The following STAC3 variants were observed in gnomAD, a reference collection of about 807,000 sequenced individuals.
STAC3 encodes SH3 and cysteine rich domain 3, also known as SH3 and cysteine-rich domain-containing protein 3.
A neutral mutation model predicts 48.5 loss-of-function variants in STAC3; 30 were observed. The observed-to-expected ratio is 0.62, with a 90% confidence interval of 0.46 to 0.84. The LOEUF (loss-of-function observed/expected upper bound fraction) is 0.84. STAC3 is among the 40% of genes least tolerant of loss of function. The probability of loss-of-function intolerance (pLI) is 0.00; values close to 1 mark genes in which losing one functional copy is unlikely to be tolerated. For synonymous variants in STAC3, 144 were observed against 158.6 expected (o/e 0.91, Z 0.69); for missense variants, 419 against 462.6 (o/e 0.91, Z 0.86).
chr12:57,245,042 C>T (rs2037701292), intron 7 of STAC3, 77 bp from the exon 8 acceptor site: 1 of 1,601,064 alleles, frequency 6.2e-7, no homozygotes, highest in South Asian at 1.1e-5. Flanking sequence ...GTGGAAGGGC[C>T]TCGTCTATCC....
chr12:57,249,519 C>T, intron 2 of STAC3, 52 bp downstream of exon 2: 1 of 1,590,980 alleles, frequency 6.3e-7, no homozygotes, highest in Non-Finnish European at 8.6e-7. Flanking sequence ...TCTTCTTCAG[C>T]TGTAATGGCT....
rs2037674310 is a variant in STAC3 at position 57,244,149 on chromosome 12, C to T, written c.935G>A (p.Arg312His). The change falls in exon 11 of 12, where the codon CGC (arginine) becomes CAC (histidine). Residue 312 changes from arginine to histidine, a missense_variant. Physicochemically the swap from Arg to His is conservative, Grantham distance 29. Transcript: ENST00000332782. ...GTTCCCCACGAAGGATCTCGTCACG[C>T]GGTGCACACGTTCTCCAGCCCGGAC... ...IRVRAGERVHRVTRSFVGNRE... is the reference protein window; with the variant it reads ...IRVRAGERVHHVTRSFVGNRE... The T allele has an allele frequency of 6.2e-7, 1 of 1,614,076 alleles. No individual in the cohort carries two copies. Among genetic ancestry groups the T allele is most frequent in the African/African-American group, 1.3e-5 (1 of 75,014 alleles).
Position 57,246,890 on chromosome 12 carries a change from G to A in STAC3, c.517C>T (p.Arg173Cys), listed in dbSNP as rs1404488985. ...ACVKDLSAANRNDPVFETLRT... is the reference protein window; with the variant it reads ...ACVKDLSAANCNDPVFETLRT... The stretch of plus-strand genomic sequence containing the variant: ...AGGGTTTCAAACACAGGATCATTGC[G>A]ATTGGCAGCAGCTAATCGAATGGGA... The change falls in exon 6 of 12, where the codon CGC becomes TGC. Residue 173 changes from arginine to cysteine, a missense_variant. Arg to Cys is a radical substitution (Grantham distance 180). Transcript: ENST00000332782. 22 of 1,613,542 alleles carry A rather than the reference G, an allele frequency of 1.4e-5. No individual in the cohort carries two copies. Among genetic ancestry groups the A allele is most frequent in the East Asian group, 2.2e-5 (1 of 44,880 alleles).
chr12:57,249,358 C>T (rs770632435), intron 2 of STAC3, 50 bp from the exon 3 acceptor site: 4 of 1,536,392 alleles, frequency 2.6e-6, no homozygotes, highest in Non-Finnish European at 2.6e-6. Flanking sequence ...TTGTCACCCT[C>T]TCTAGAGTAG....
chr12:57,247,715 G>A (rs1367598522), intron 5 of STAC3, among the ~76,000 whole-genome samples: 2 of 152,178 alleles, frequency 1.3e-5, no homozygotes, highest in East Asian at 1.9e-4. Context: ...GAGCCACCGC[G>A]CCCGGCCTGG....
rs1423716524 is a variant in STAC3, at chr12:57,243,635, C to T, written c.*177G>A. On this transcript the variant is annotated 3_prime_UTR_variant, in exon 12 of 12. Coordinates refer to ENST00000332782, the MANE Select transcript of STAC3 (RefSeq NM_145064.3). ...GCTCTGGGCAGCAGGTATCCGAGGC[C>T]CCAGGCTGGGGAAGGGGGCGAGAAC... The T allele has an allele frequency of 4.2e-6, 3 of 721,734 alleles. No homozygotes were observed. The highest frequency in any genetic ancestry group is 7.5e-6 in the Non-Finnish European group (3 of 401,694). 44.7% of individuals were successfully genotyped at this position (721,734 alleles called of 1,614,324 possible).
chr12:57,246,154 T>A (rs921475195), intron 6 of STAC3, among the ~76,000 whole-genome samples: 3 of 150,316 alleles, frequency 2.0e-5, no homozygotes, highest in Non-Finnish European at 4.4e-5. Flanking sequence ...TTTTTATAAT[T>A]CCCTTAAAAG....
At chr12:57,246,985 T>C in intron 5 of STAC3, 84 bp from the exon 6 acceptor site, 1 of 1,333,504 alleles carries the variant, frequency 7.5e-7, no homozygotes, top group Non-Finnish European at 1.1e-6. Flanking sequence ...TGGGATTGAG[T>C]AGATGGATAC....
At chr12:57,247,417 TTA>T (rs1491054012) in intron 5 of STAC3, among the ~76,000 whole-genome samples, 54 of 55,372 alleles carry the variant, frequency 9.8e-4, no homozygotes, top group Admixed American at 4.2e-3. Context: ...ATTATTATTA[TTA>T]TTATTATTAT....
rs1209001742 is a variant in STAC3 at position 57,243,594 on chromosome 12, G to A, written c.*218C>T. On this transcript the variant is annotated 3_prime_UTR_variant, in exon 12 of 12. Coordinates refer to ENST00000332782, the MANE Select transcript of STAC3 (RefSeq NM_145064.3). ...AGCTCTTGCAAGCGGGGCCTGAAAG[G>A]TTTCGGGTCCGGGCTGCTCTGGGCA... 11 of 698,368 alleles carry A rather than the reference G, an allele frequency of 1.6e-5. No homozygotes were observed. The highest frequency in any genetic ancestry group is 1.0e-5 in the Non-Finnish European group (4 of 383,630). 43.3% of individuals were successfully genotyped at this position (698,368 alleles called of 1,614,324 possible). A position where few individuals can be genotyped will look rare whatever the true frequency, so the allele number is the denominator to read the frequency against.
At chr12:57,244,829 G>C in intron 8 of STAC3, 87 bp downstream of exon 8, 1 of 1,521,520 alleles carries the variant, frequency 6.6e-7, no homozygotes, top group Non-Finnish European at 9.1e-7. Flanking sequence ...GAGTTAAAGA[G>C]TGAGCTTCTG....
chr12:57,248,193 A>G lies in STAC3; in HGVS notation c.438T>C (p.Pro146=), dbSNP rs751087300. 4 of 1,613,808 alleles carry G rather than the reference A, an allele frequency of 2.5e-6. No individual in the cohort carries two copies. In the East Asian group the frequency reaches 8.9e-5, roughly 36 times the overall value. The part of the protein sequence containing the change: ...EMQRCFGKIP[P]GFHRAYSSPL... ...GGGAACTATAGGCCCGATGGAAACC[A>G]GGTGGCTGTAGGATGGGATGAGAGG... is the stretch of plus-strand genomic sequence containing the variant. Residue 146 remains proline, a synonymous_variant, in exon 5 of 12, where the codon CCT becomes CCC. Coordinates refer to ENST00000332782, the MANE Select transcript of STAC3 (RefSeq NM_145064.3).
At chr12:57,248,235 A>C (rs2037805693) in intron 4 of STAC3, 37 bp from the exon 5 acceptor site, 1 of 1,542,230 alleles carries the variant, frequency 6.5e-7, no homozygotes, top group African/African-American at 1.4e-5. Context: ...TAGAGGTAGC[A>C]AAGTAAGGTC....
intron 1 of STAC3, among the ~76,000 whole-genome samples, chr12:57,249,941 G>C (rs541648614): frequency 6.6e-6 from 1 of 152,242 alleles, no homozygotes; most frequent in African/African-American, 2.4e-5. Flanking sequence ...GTAGAGACAT[G>C]GTCTTGCTTT....
chr12:57,244,747 G>A (rs958441508), intron 8 of STAC3, 125 bp from the exon 9 acceptor site: 2 of 1,414,482 alleles, frequency 1.4e-6, no homozygotes, highest in African/African-American at 1.4e-5. Context: ...CCTGAACTGA[G>A]AGAAGTGTTT....
chr12:57,244,158 C>G lies in STAC3; in HGVS notation c.926G>C (p.Arg309Pro). 3 of 1,614,122 alleles carry G rather than the reference C, an allele frequency of 1.9e-6. No homozygotes were observed. Among genetic ancestry groups the G allele is most frequent in the East Asian group, 2.2e-5 (1 of 44,860 alleles). ...NFIIRVRAGE[R>P]VHRVTRSFVG... is the part of the protein sequence containing the mutation. ...GAAGGATCTCGTCACGCGGTGCACA[C>G]GTTCTCCAGCCCGGACCCGAATGAT... The change falls in exon 11 of 12, where the codon CGT (arginine) becomes CCT (proline). Residue 309 changes from arginine (R) to proline (P), a missense_variant. Physicochemically the swap from Arg to Pro is moderately radical, Grantham distance 103. Transcript: ENST00000332782.
In STAC3 at chr12:57,244,151, G is replaced by A; in HGVS notation, c.933C>T (p.His311=). 1.2e-6 allele frequency: 2 copies of A among 1,614,126 alleles called. No homozygotes were observed. The highest frequency in any genetic ancestry group is 1.7e-6 in the Non-Finnish European group (2 of 1,180,030). The change falls in exon 11 of 12, where the codon CAC becomes CAT. Residue 311 remains histidine (H), a synonymous_variant. Transcript: ENST00000332782. ...TCCCCACGAAGGATCTCGTCACGCG[G>A]TGCACACGTTCTCCAGCCCGGACCC... ...IIRVRAGERV[H]RVTRSFVGNR... is the part of the protein sequence containing the mutation.
In STAC3 at chr12:57,249,316, AG is replaced by A. The variant is rs996756718; in HGVS notation, c.67-9del. 1.3e-6 allele frequency: 2 copies of A among 1,566,686 alleles called. No individual in the cohort carries two copies. The highest frequency in any genetic ancestry group is 1.4e-5 in the African/African-American group (1 of 73,032). ...CTGCTTTAGCCGCTGTAGCTGAGGG[AG>A]GGAGTGAAGAAAACCCAATGTTAAA... On this transcript the variant is annotated splice_polypyrimidine_tract_variant and intron_variant, in intron 2 of 11. Transcript: ENST00000332782.
chr12:57,249,224 C>T lies in STAC3; in HGVS notation c.151G>A (p.Glu51Lys). 6.2e-7 allele frequency: 1 copy of T among 1,614,160 alleles called. No homozygotes were observed. The highest frequency in any genetic ancestry group is 8.5e-7 in the Non-Finnish European group (1 of 1,180,036). The change falls in exon 3 of 12, where the codon GAG (glutamate) becomes AAG (lysine). Residue 51 changes from glutamate to lysine, a missense_variant. Transcript: ENST00000332782. Reference protein sequence around the residue: ...ELPPEPQANGEAVGAGGGPIY... With the variant: ...ELPPEPQANGKAVGAGGGPIY... ...GGCCCACCCCCAGCTCCCACTGCCT[C>T]CCCATTGGCCTGGGGCTCTGGGGGA... is the stretch of plus-strand genomic sequence containing the variant.
Sources: gnomAD v4.1 joint callset for allele counts (sites outside exome capture counted in the v4.1 genomes callset) on GRCh38, gnomAD v4.1.1 for gene constraint, MANE v1.5 for transcripts, NCBI Gene and HGNC (gene_info 2026-07-23, HGNC 2026-07-21) for gene names.